LMF1: variants seen among roughly 807,000 people sequenced by gnomAD.
LMF1 encodes the protein transmembrane protein 112.
LMF1 carries 68 observed loss-of-function variants against 60.6 expected under a neutral mutation model. The observed-to-expected ratio is 1.12, with a 90% confidence interval of 0.92 to 1.37. The LOEUF (loss-of-function observed/expected upper bound fraction) is 1.37, where lower values mean the gene tolerates loss of function less well. Ranked by LOEUF, LMF1 falls within the 40% of genes most tolerant of loss-of-function variation. The probability of loss-of-function intolerance (pLI) is 0.00; values close to 1 mark genes in which losing one functional copy is unlikely to be tolerated. For synonymous variants in LMF1, 418 were observed against 324.7 expected (o/e 1.29, Z -3.09); for missense variants, 948 against 767.2 (o/e 1.24, Z -2.78).
At chr16:876,631 G>A (rs1425051141) in intron 6 of LMF1, among the ~76,000 whole-genome samples, 4 of 152,016 alleles carry the variant, frequency 2.6e-5, no homozygotes, top group African/African-American at 4.8e-5. Context: ...TTAATAAAAC[G>A]AAACAGAGCT....
intron 2 of LMF1, among the ~76,000 whole-genome samples, chr16:946,525 G>A (rs922274758): frequency 2.6e-5 from 4 of 152,254 alleles, no homozygotes; most frequent in African/African-American, 7.2e-5. Context: ...AAGGCCAGAA[G>A]AGGCCTTTTA....
chr16:862,858 T>C (rs1269032002), intron 10 of LMF1, among the ~76,000 whole-genome samples: 1 of 152,096 alleles, frequency 6.6e-6, no homozygotes, highest in African/African-American at 2.4e-5. Flanking sequence ...AGAACCTGTC[T>C]CAAAAAATAA....
At chr16:926,188 A>G (rs898882398) in intron 3 of LMF1, among the ~76,000 whole-genome samples, 5 of 151,654 alleles carry the variant, frequency 3.3e-5, no homozygotes, top group Non-Finnish European at 7.4e-5. Flanking sequence ...ACATTTGCAT[A>G]TGATCTGCAT....
chr16:871,301 C>A lies in LMF1; in HGVS notation c.938G>T (p.Trp313Leu), dbSNP rs753503972. 6 of 1,612,404 alleles carry A rather than the reference C, an allele frequency of 3.7e-6. No individual in the cohort carries two copies. The African/African-American group carries it at 8.0e-5, about 22-fold the overall frequency. ...IVSGNLSFLNWLTMVPSLACF... is the reference protein window; with the variant it reads ...IVSGNLSFLNLLTMVPSLACF... ...GGCCAGGCTGGGCACCATAGTCAGC[C>A]AGTTCAGGAAGCTGAGGTTCCCGCT... is the stretch of plus-strand genomic sequence containing the variant. The change falls in exon 7 of 11, where the codon TGG becomes TTG. Residue 313 changes from tryptophan to leucine, a missense_variant. By Grantham distance (61) the Trp-to-Leu change is moderately conservative. Coordinates refer to ENST00000262301, the MANE Select transcript of LMF1 (RefSeq NM_022773.4).
rs1203744995 is a variant in LMF1, at chr16:874,111, G to C, written c.898-2770C>G. 6.6e-6 allele frequency among the ~76,000 whole-genome samples: 1 copy of C among 152,184 alleles called. No homozygotes were observed. Among genetic ancestry groups the C allele is most frequent in the African/African-American group, 2.4e-5 (1 of 41,448 alleles). On this transcript the variant is annotated intron_variant, in intron 6 of 10. Transcript: ENST00000262301. This position sits in a 1 kb window ranked among gnomAD's most constrained non-coding sequence, Gnocchi z 4.1. ...AGTTCTGGAACCAGGCGGAGGCGGC[G>C]GTTGCATCACGCTGTGAACGTGCTG...
chr16:929,922 G>C (rs987789270), intron 3 of LMF1, among the ~76,000 whole-genome samples: 1 of 151,664 alleles, frequency 6.6e-6, no homozygotes, highest in South Asian at 2.1e-4. Flanking sequence ...CGGGGGCACA[G>C]GGCCCTGGGA....
rs1339693866 is a variant in LMF1, at chr16:857,464, GGGACGGGTGTGAGTGGTGTCACC to G, written c.1530-2781_1530-2759del. Among the ~76,000 whole-genome samples the G allele has an allele frequency of 1.5e-3, 186 of 126,702 alleles. 18 individuals carry two copies. Among genetic ancestry groups the G allele is most frequent in the African/African-American group, 4.0e-3 (133 of 33,104 alleles). 83.1% of individuals were successfully genotyped at this position (126,702 alleles called of 152,430 possible). ...ACGGGACGGGTGTGAGTGGTGTCTC[GGGACGGGTGTGAGTGGTGTCACC>G]GGACGGGTGTGAGTGGTGTCTCGGG... On this transcript the variant is annotated intron_variant, in intron 10 of 10. Coordinates refer to ENST00000262301, the MANE Select transcript of LMF1 (RefSeq NM_022773.4).
intron 1 of LMF1, among the ~76,000 whole-genome samples, chr16:968,038 A>G (rs900848151): frequency 6.6e-6 from 1 of 152,258 alleles, no homozygotes; most frequent in African/African-American, 2.4e-5. Flanking sequence ...ACAGCACAGC[A>G]GGGCATGCCC....
intron 3 of LMF1, among the ~76,000 whole-genome samples, chr16:918,070 T>C (rs2071330245): frequency 6.6e-6 from 1 of 152,244 alleles, no homozygotes; most frequent in African/African-American, 2.4e-5. Flanking sequence ...AGAGATCAGA[T>C]GGCAAATGGG....
chr16:911,298 C>T (rs2071105993), intron 3 of LMF1, among the ~76,000 whole-genome samples: 1 of 152,148 alleles, frequency 6.6e-6, no homozygotes, highest in African/African-American at 2.4e-5. Context: ...TAGGTCGGGA[C>T]TTCCTGTGAC....
At chr16:927,072 C>T (rs930715636) in intron 3 of LMF1, among the ~76,000 whole-genome samples, 2 of 152,220 alleles carry the variant, frequency 1.3e-5, no homozygotes, top group Non-Finnish European at 2.9e-5. Flanking sequence ...GGCCCAGAGG[C>T]CTCCAGAGAT....
chr16:964,629 T>C (rs1195334533), intron 1 of LMF1, among the ~76,000 whole-genome samples: 1 of 152,234 alleles, frequency 6.6e-6, no homozygotes, highest in East Asian at 1.9e-4. Context: ...CATGAGCTCT[T>C]AGAGCCACTG....
At chr16:979,270 G>T (rs1025237218) in intron 1 of LMF1, 5 of 362,750 alleles carry the variant, frequency 1.4e-5, no homozygotes, top group Non-Finnish European at 2.8e-5. Context: ...GACCAGAGAT[G>T]ACTCTGGAAG....
At chr16:972,845 G>C (rs2073076309), upstream of LMF1, among the ~76,000 whole-genome samples, 1 of 152,266 alleles carries the variant, frequency 6.6e-6, no homozygotes, top group African/African-American at 2.4e-5. Flanking sequence ...GGAAGGGTCT[G>C]CTGGGAGCTC....
At chr16:859,263 C>G (rs866254290) in intron 10 of LMF1, among the ~76,000 whole-genome samples, 1 of 77,260 alleles carries the variant, frequency 1.3e-5, no homozygotes, top group African/African-American at 9.3e-5. Flanking sequence ...TGTCACGGGA[C>G]GGGTGTGAGT....
upstream of LMF1, among the ~76,000 whole-genome samples, chr16:972,686 T>C (rs2073073625): frequency 6.6e-6 from 1 of 152,192 alleles, no homozygotes; most frequent in South Asian, 2.1e-4. Context: ...ACAAGGAGGC[T>C]TTGTGCACAG....
intron 3 of LMF1, chr16:933,256 G>A (rs75457845): frequency 6.6e-6 from 1 of 152,218 alleles, no homozygotes; most frequent in Non-Finnish European, 1.5e-5. Context: ...GCCTTTCAAG[G>A]TGATTAAAAT....
At chr16:912,966 A>G (rs1156664651) in intron 3 of LMF1, among the ~76,000 whole-genome samples, 1 of 152,126 alleles carries the variant, frequency 6.6e-6, no homozygotes, top group African/African-American at 2.4e-5. Context: ...CCCAGCAAAC[A>G]CCAGCGCTGC....
chr16:963,984 C>A, intron 1 of LMF1: 1 of 453,858 alleles, frequency 2.2e-6, no homozygotes, highest in South Asian at 1.5e-5. Context: ...CCGTCACTAC[C>A]CCACACGGGA....
Sources: allele counts gnomAD v4.1 joint callset (sites outside exome capture counted in the v4.1 genomes callset), GRCh38; gene constraint gnomAD v4.1.1; non-coding constraint Gnocchi (gnomAD v3.1); transcripts MANE v1.5; gene names NCBI Gene and HGNC (gene_info 2026-07-23, HGNC 2026-07-21).